The following ZNF385C variants were observed in gnomAD, a reference collection of about 807,000 sequenced individuals.
ZNF385C encodes the protein CTD-2132N18.2.
A neutral mutation model predicts 35.4 loss-of-function variants in ZNF385C; 28 were observed. The observed-to-expected ratio is 0.79, with a 90% CI of 0.59 to 1.08. The LOEUF (loss-of-function observed/expected upper bound fraction) is 1.08. Ranked by LOEUF, ZNF385C falls within the 50% of genes least tolerant of loss-of-function variation. ZNF385C has a pLI of 0.00. For synonymous variants in ZNF385C, 248 were observed against 248.2 expected (o/e 1.00, Z 0.01); for missense variants, 605 against 595.6 (o/e 1.02, Z -0.16).
intron 3 of ZNF385C, 86 bp downstream of exon 3, chr17:42,037,650 CT>C: frequency 2.1e-6 from 3 of 1,411,758 alleles, no homozygotes. Flanking sequence ...TTAGACCCAG[CT>C]GCTGAGAGCT....
chr17:42,081,082 T>C (rs1161569228), intron 1 of ZNF385C, among the ~76,000 whole-genome samples: 1 of 152,224 alleles, frequency 6.6e-6, no homozygotes, highest in Non-Finnish European at 1.5e-5. Context: ...GAACACCTAC[T>C]ATATGCCAGC....
intron 2 of ZNF385C, among the ~76,000 whole-genome samples, chr17:42,047,782 T>C (rs559000159): frequency 1.3e-5 from 2 of 151,588 alleles, no homozygotes; most frequent in East Asian, 3.9e-4. Flanking sequence ...GCCTCCTGAG[T>C]AGCTGGGATT....
At chr17:42,065,778 C>T (rs1487346091) in intron 1 of ZNF385C, among the ~76,000 whole-genome samples, 1 of 151,596 alleles carries the variant, frequency 6.6e-6, no homozygotes, top group Non-Finnish European at 1.5e-5. Flanking sequence ...GTCTGCCCGC[C>T]TCGGCATCCC....
chr17:42,079,604 C>G (rs1353721797), intron 1 of ZNF385C, among the ~76,000 whole-genome samples: 1 of 150,584 alleles, frequency 6.6e-6, no homozygotes, highest in East Asian at 2.0e-4. Context: ...AGTTGAAGAC[C>G]ACAGTGAGCT....
chr17:42,070,675 G>A (rs1555658723), intron 1 of ZNF385C, among the ~76,000 whole-genome samples: 1 of 152,194 alleles, frequency 6.6e-6, no homozygotes, highest in African/African-American at 2.4e-5. Context: ...ATGAGGCAAA[G>A]GCAGGGGGTG....
Position 42,063,050 on chromosome 17 carries a change from G to A in ZNF385C, c.7C>T (p.Arg3Trp), listed in dbSNP as rs782627957. 41 of 639,828 alleles carry A rather than the reference G, an allele frequency of 6.4e-5. No homozygotes were observed. The highest frequency in any genetic ancestry group is 5.4e-4 in the Admixed American group (21 of 38,564). 39.6% of individuals were successfully genotyped at this position (639,828 alleles called of 1,614,324 possible). Residue 3 changes from arginine to tryptophan, a missense_variant, in exon 2 of 9, where the codon CGG becomes TGG. Physicochemically the swap from Arg to Trp is moderately radical, Grantham distance 101 (BLOSUM62 -3). Transcript: ENST00000692273. MK[R>W]PLSPPPPAEK... The stretch of plus-strand genomic sequence containing the variant: ...GCCGGTGGGGGTGGGCTCAGTGGCC[G>A]CTTCATATCTGAGTGGATAGAGAGG...
At position 42,027,514 on chromosome 17, in the gene ZNF385C, GGT is replaced by G. The variant is rs2052614477; in HGVS notation, c.1275+102_1275+103del. 2.5e-5 allele frequency: 24 copies of G among 967,682 alleles called. 2 individuals are homozygous for G. The South Asian group carries it at 4.3e-4, about 17-fold the overall frequency. 59.9% of individuals were successfully genotyped at this position (967,682 alleles called of 1,614,324 possible). Reference sequence around the variant, plus strand: ...TCACTGCCCAGCAGCCTCATTGCAGGGTGGCCTCTTTTCCTGCCCCACCGCAG... The same window carrying G: ...TCACTGCCCAGCAGCCTCATTGCAGGGGCCTCTTTTCCTGCCCCACCGCAG... On this transcript the variant is annotated intron_variant, in intron 8 of 8. Transcript: ENST00000692273.
intron 1 of ZNF385C, among the ~76,000 whole-genome samples, chr17:42,088,088 T>C (rs1172667185): frequency 2.6e-5 from 4 of 152,240 alleles, no homozygotes; most frequent in Admixed American, 6.5e-5. Context: ...GAGGATTACC[T>C]GAGTCAATAT....
At chr17:42,079,387 A>C (rs2053723483) in intron 1 of ZNF385C, among the ~76,000 whole-genome samples, 1 of 146,424 alleles carries the variant, frequency 6.8e-6, no homozygotes, top group Non-Finnish European at 1.5e-5. Flanking sequence ...TGTCTCAAAA[A>C]AAAAAAAAAA....
At chr17:42,091,905 T>C (rs1598207559) in intron 1 of ZNF385C, among the ~76,000 whole-genome samples, 1 of 152,012 alleles carries the variant, frequency 6.6e-6, no homozygotes, top group Non-Finnish European at 1.5e-5. Flanking sequence ...TAGAGGAGCT[T>C]TGGGTGAGGG....
intron 7 of ZNF385C, 67 bp from the exon 8 acceptor site, chr17:42,027,795 C>G: frequency 6.7e-7 from 1 of 1,496,880 alleles, no homozygotes. Context: ...CCATCATCCT[C>G]GACTCTTCCC....
intron 2 of ZNF385C, among the ~76,000 whole-genome samples, chr17:42,049,062 G>A (rs1307630396): frequency 2.0e-5 from 3 of 152,080 alleles, no homozygotes; most frequent in African/African-American, 7.2e-5. Context: ...CTCTCTGGTG[G>A]CCACTTGTGT....
At chr17:42,028,458 C>G (rs1344707415) in intron 6 of ZNF385C, 4 of 590,866 alleles carry the variant, frequency 6.8e-6, no homozygotes, top group Non-Finnish European at 1.2e-5. Flanking sequence ...CTACAAATAG[C>G]TGCCTTCCCC....
chr17:42,037,576 A>G (rs373307893), intron 3 of ZNF385C, among the ~76,000 whole-genome samples, 161 bp downstream of exon 3: 14 of 152,104 alleles, frequency 9.2e-5, no homozygotes, highest in African/African-American at 3.4e-4. Context: ...TAGGATCCCA[A>G]ATAGGGGTCC....
intron 2 of ZNF385C, chr17:42,043,311 G>A (rs2053072952): frequency 1.6e-6 from 2 of 1,232,138 alleles, no homozygotes; most frequent in Admixed American, 4.2e-5. Context: ...GCTCGTTGAA[G>A]TAACGCTTAC....
chr17:42,068,604 C>T (rs1327679253), intron 1 of ZNF385C, among the ~76,000 whole-genome samples: 15 of 152,168 alleles, frequency 9.9e-5, no homozygotes, highest in African/African-American at 3.4e-4. Context: ...AACCTCCTGC[C>T]CCAGCCTCCC....
chr17:42,082,000 C>T (rs1555659749), intron 1 of ZNF385C, among the ~76,000 whole-genome samples: 2 of 152,190 alleles, frequency 1.3e-5, no homozygotes, highest in Admixed American at 6.5e-5. Context: ...TGCATGGGAC[C>T]ACCTGCTGCT....
chr17:42,094,087 G>A (rs1416044664), intron 1 of ZNF385C, among the ~76,000 whole-genome samples: 1 of 151,372 alleles, frequency 6.6e-6, no homozygotes, highest in African/African-American at 2.4e-5. Context: ...AGGTACAAAC[G>A]ATTCTCCCAC....
Position 42,095,449 on chromosome 17 carries a change from G to A in ZNF385C, c.-3+2961C>T, listed in dbSNP as rs2053908323. On this transcript the variant is annotated intron_variant, in intron 1 of 8. Coordinates refer to ENST00000692273, the MANE Select transcript of ZNF385C (RefSeq NM_001392013.1). The surrounding 1 kb of genome is among the most constrained non-coding windows in gnomAD (Gnocchi z 4.4). ...CTCTGAGAAGGGCAGCCAGAGGGAT[G>A]GTGGGGTCCAACCCTGGCTTTCCCC... is the stretch of plus-strand genomic sequence containing the variant. 6.6e-6 allele frequency among the ~76,000 whole-genome samples: 1 copy of A among 152,186 alleles called. No homozygotes were observed. Among genetic ancestry groups the A allele is most frequent in the Non-Finnish European group, 1.5e-5 (1 of 68,030 alleles).
Sources: gnomAD v4.1 joint callset for allele counts (sites outside exome capture counted in the v4.1 genomes callset) on GRCh38, gnomAD v4.1.1 for gene constraint, Gnocchi (gnomAD v3.1) non-coding constraint, MANE v1.5 for transcripts, NCBI Gene and HGNC (gene_info 2026-07-23, HGNC 2026-07-21) for gene names.